PYROXD1: variants seen among roughly 807,000 people sequenced by gnomAD.
PYROXD1 encodes the protein pyridine nucleotide-disulphide oxidoreductase domain 1, also known as tRNA ligase complex-associated NAD(P)H dehydrogenase PYROXD1.
PYROXD1 carries 42 observed loss-of-function variants against 62.0 expected under a neutral mutation model. The ratio of observed to expected loss-of-function variants is 0.68; its 90% CI spans 0.53 to 0.88. The LOEUF (loss-of-function observed/expected upper bound fraction) is 0.88. Ranked by LOEUF, PYROXD1 falls within the 40% of genes least tolerant of loss-of-function variation. The probability of loss-of-function intolerance (pLI) is 0.00; values close to 1 mark genes in which losing one functional copy is unlikely to be tolerated. For missense variants in PYROXD1, 493 were observed against 604.8 expected (o/e 0.82, Z 1.94); for synonymous variants, 170 against 206.4 (o/e 0.82, Z 1.51).
chr12:21,465,117 C>G (rs1942768479), intron 10 of PYROXD1, among the ~76,000 whole-genome samples: 1 of 152,124 alleles, frequency 6.6e-6, no homozygotes, highest in Admixed American at 6.6e-5. Context: ...GTGAATAGTG[C>G]CGCTATAAAC....
In PYROXD1 at chr12:21,437,961, G is replaced by C. The variant is rs1277184711; in HGVS notation, c.84+147G>C. 12 of 722,230 alleles carry C rather than the reference G, an allele frequency of 1.7e-5. No individual in the cohort carries two copies. In the South Asian group the frequency reaches 2.1e-4, roughly 13 times the overall value. The allele number at this position is 722,230 out of a possible 1,614,324, so 44.7% of individuals were successfully genotyped here. ...CCGCACTTATTGCTCCCAGATTTTA[G>C]AAACTGCTTGGTGGTCCTCAGATGA... On this transcript the variant is annotated intron_variant, in intron 1 of 11. Coordinates refer to ENST00000240651, the MANE Select transcript of PYROXD1 (RefSeq NM_024854.5).
At chr12:21,462,385 C>G (rs867927408) in intron 9 of PYROXD1, among the ~76,000 whole-genome samples, 4 of 151,946 alleles carry the variant, frequency 2.6e-5, no homozygotes, top group Non-Finnish European at 5.9e-5. Context: ...AGACTGACAC[C>G]TCCCGTGACT....
At position 21,449,681 on chromosome 12, in the gene PYROXD1, A is replaced by G. The variant is rs754086094; in HGVS notation, c.404A>G (p.Asp135Gly). ...TATGTATTAGGAATCCGTGATACAG[A>G]CAGTGCTCAGGTAACATTTTAAGGT... ...NPYVLGIRDT[D>G]SAQEFQKQLT... The change falls in exon 4 of 12, where the codon GAC becomes GGC. Residue 135 changes from aspartate (D) to glycine (G), a missense_variant. Transcript: ENST00000240651. 2 of 1,611,026 alleles carry G rather than the reference A, an allele frequency of 1.2e-6. No homozygotes were observed. Among genetic ancestry groups the G allele is most frequent in the East Asian group, 2.2e-5 (1 of 44,766 alleles).
chr12:21,437,938 G>T, intron 1 of PYROXD1, 124 bp downstream of exon 1: 2 of 820,556 alleles, frequency 2.4e-6, no homozygotes, highest in South Asian at 3.6e-5. Context: ...GCCCTTTTCC[G>T]CACTTATTGC....
intron 10 of PYROXD1, among the ~76,000 whole-genome samples, chr12:21,466,424 A>G (rs1335835434): frequency 2.6e-5 from 4 of 151,768 alleles, no homozygotes; most frequent in African/African-American, 9.7e-5. Flanking sequence ...ATTCTCTTTG[A>G]AGCAATTGTG....
At chr12:21,466,053 T>C (rs1362234299) in intron 10 of PYROXD1, among the ~76,000 whole-genome samples, 1 of 152,156 alleles carries the variant, frequency 6.6e-6, no homozygotes, top group African/African-American at 2.4e-5. Context: ...AGTACCATGC[T>C]GTTTTGGTTA....
intron 1 of PYROXD1, 37 bp downstream of exon 1, chr12:21,437,851 G>T: frequency 6.4e-7 from 1 of 1,573,908 alleles, no homozygotes; most frequent in Non-Finnish European, 8.7e-7. Context: ...CTCTTTCCCC[G>T]ACCCCAAAGG....
At chr12:21,441,368 T>G (rs977981259) in intron 2 of PYROXD1, 1 of 152,206 alleles carries the variant, frequency 6.6e-6, no homozygotes, top group Non-Finnish European at 1.5e-5. Flanking sequence ...GTTCTACTCC[T>G]TTGTCTTTCT....
intron 2 of PYROXD1, among the ~76,000 whole-genome samples, chr12:21,443,364 GTT>G (rs1230611950): frequency 6.6e-6 from 1 of 152,084 alleles, no homozygotes; most frequent in African/African-American, 2.4e-5. Flanking sequence ...GTGTGTGTGT[GTT>G]TACACATCAG....
chr12:21,455,006 A>G (rs552446571), intron 5 of PYROXD1, 126 bp from the exon 6 acceptor site: 37 of 450,976 alleles, frequency 8.2e-5, no homozygotes, highest in African/African-American at 4.8e-4. Context: ...TTTATAATCA[A>G]TCTTTCCCAG....
chr12:21,441,357 T>C (rs1403495077), intron 2 of PYROXD1: 1 of 152,224 alleles, frequency 6.6e-6, no homozygotes, highest in Non-Finnish European at 1.5e-5. Flanking sequence ...TTTAAATACA[T>C]GTTCTACTCC....
intron 2 of PYROXD1, among the ~76,000 whole-genome samples, chr12:21,444,986 A>G (rs905449584): frequency 3.9e-5 from 6 of 152,270 alleles, no homozygotes; most frequent in Non-Finnish European, 5.9e-5. Context: ...TGCAAAGACT[A>G]GATGACCATA....
intron 10 of PYROXD1, among the ~76,000 whole-genome samples, chr12:21,465,967 A>G (rs960275024): frequency 1.3e-5 from 2 of 152,180 alleles, no homozygotes; most frequent in South Asian, 4.1e-4. Context: ...GTGAAAGATC[A>G]GATAGTTGTA....
chr12:21,463,818 C>G (rs1483016812), intron 10 of PYROXD1, among the ~76,000 whole-genome samples: 4 of 151,920 alleles, frequency 2.6e-5, no homozygotes, highest in African/African-American at 4.8e-5. Flanking sequence ...AACAAAAATA[C>G]TAGAGGAAGA....
intron 3 of PYROXD1, among the ~76,000 whole-genome samples, chr12:21,448,856 TTA>T (rs1364519314): frequency 7.2e-5 from 11 of 152,306 alleles, no homozygotes. Flanking sequence ...TTAGACCCAT[TTA>T]TGTTATTAAT....
At position 21,469,070 on chromosome 12, in the gene PYROXD1, A is replaced by G; in HGVS notation, c.*316A>G. The G allele has an allele frequency of 3.9e-6, 1 of 253,166 alleles. No homozygotes were observed. The highest frequency in any genetic ancestry group is 7.7e-6 in the Non-Finnish European group (1 of 129,290). The allele number at this position is 253,166 out of a possible 1,614,324, so 15.7% of individuals were successfully genotyped here. A position where few individuals can be genotyped will look rare whatever the true frequency, so the allele number is the denominator to read the frequency against. On this transcript the variant is annotated 3_prime_UTR_variant, in exon 12 of 12. Transcript: ENST00000240651. ...GCAAATTTAGGTAAGTTATCTACTT[A>G]GCCAAATGTACTCTAGTAGACTAGA...
chr12:21,466,522 TGA>T (rs1300085305), intron 10 of PYROXD1, among the ~76,000 whole-genome samples: 1 of 152,206 alleles, frequency 6.6e-6, no homozygotes, highest in Non-Finnish European at 1.5e-5. Context: ...TTTTGTATCC[TGA>T]GACTTTGCTG....
intron 5 of PYROXD1, 133 bp from the exon 6 acceptor site, chr12:21,454,999 A>T: frequency 2.3e-6 from 1 of 439,756 alleles, no homozygotes; most frequent in Non-Finnish European, 4.1e-6. Context: ...ATTCCTCTTT[A>T]TAATCAATCT....
At chr12:21,451,638 C>G (rs1245736157) in intron 4 of PYROXD1, among the ~76,000 whole-genome samples, 1 of 151,936 alleles carries the variant, frequency 6.6e-6, no homozygotes, top group African/African-American at 2.4e-5. Context: ...ATTGCTAGAG[C>G]CAGTGCTTCC....
Sources: gnomAD v4.1 joint callset for allele counts (sites outside exome capture counted in the v4.1 genomes callset) on GRCh38, gnomAD v4.1.1 for gene constraint, MANE v1.5 for transcripts, NCBI Gene and HGNC (gene_info 2026-07-23, HGNC 2026-07-21) for gene names.